Variants in OR11A1 observed in about 807,000 individuals in gnomAD.
The protein encoded by OR11A1 is olfactory receptor family 11 subfamily A member 1, also known as olfactory receptor 11A1.
For missense variants in OR11A1, 380 were observed against 378.2 expected, an observed-to-expected ratio of 1.00 and a Z score of -0.04; for synonymous variants, 158 against 152.2, an observed-to-expected ratio of 1.04 and a Z score of -0.28.
intron 1 of OR11A1, among the ~76,000 whole-genome samples, chr6:29,446,195 T>C (rs79925536): frequency 0.043 from 6,528 of 152,228 alleles, 248 homozygotes; most frequent in African/African-American, 0.095. Context: ...TTATTCTACA[T>C]AGTGCTGGCA....
At chr6:29,455,727 G>A (rs963746671) in intron 1 of OR11A1, among the ~76,000 whole-genome samples, 3 of 151,532 alleles carry the variant, frequency 2.0e-5, no homozygotes, top group Admixed American at 6.6e-5. Flanking sequence ...ACACAAAAAA[G>A]TGGCCGGGTG....
At chr6:29,443,801 C>T (rs16894915) in intron 1 of OR11A1, among the ~76,000 whole-genome samples, 4,043 of 152,166 alleles carry the variant, frequency 0.027, 117 homozygotes, top group African/African-American at 0.076. Context: ...TGTGCAATTC[C>T]TCACGATATA....
At chr6:29,427,791 G>T in intron 4 of OR11A1, 59 bp from the exon 5 acceptor site, 5 of 1,290,558 alleles carry the variant, frequency 3.9e-6, no homozygotes, top group Non-Finnish European at 5.2e-6. Context: ...ACTCGCTCAC[G>T]CAAGTCTTCA....
chr6:29,439,109 T>C (rs1783882003), intron 1 of OR11A1, among the ~76,000 whole-genome samples: 1 of 152,250 alleles, frequency 6.6e-6, no homozygotes, highest in Non-Finnish European at 1.5e-5. Context: ...CTTTTACTGT[T>C]ATCTGTAATA....
chr6:29,440,322 T>C, intron 1 of OR11A1: 4 of 1,614,114 alleles, frequency 2.5e-6, no homozygotes, highest in Non-Finnish European at 3.4e-6. Flanking sequence ...GATGTTCTTC[T>C]TCCTCTTCTT....
rs889911265 is a variant in OR11A1, at chr6:29,453,097, G to A, written c.-389+3890C>T. The stretch of plus-strand genomic sequence containing the variant: ...TTCAGGATCCATATGGTATCCCCAA[G>A]AAAAAAACTTGCACTTTAAATATAA... On this transcript the variant is annotated intron_variant, in intron 1 of 4. Coordinates refer to ENST00000377149, the MANE Select transcript of OR11A1 (RefSeq NM_001394828.1). This position sits in a 1 kb window ranked among gnomAD's most constrained non-coding sequence, Gnocchi z 4.5. Among the ~76,000 whole-genome samples, 1 of 149,042 alleles carries A rather than the reference G, an allele frequency of 6.7e-6. No homozygotes were observed. Among genetic ancestry groups the A allele is most frequent in the South Asian group, 2.1e-4 (1 of 4,742 alleles).
intron 1 of OR11A1, chr6:29,440,772 A>G: frequency 1.2e-6 from 2 of 1,613,826 alleles, no homozygotes; most frequent in African/African-American, 1.3e-5. Flanking sequence ...CTTCTATGGC[A>G]CCGCACTCTT....
chr6:29,427,393 C>T lies in OR11A1; in HGVS notation c.249G>A (p.Met83Ile). 6.2e-7 allele frequency: 1 copy of T among 1,613,084 alleles called. No individual in the cohort carries two copies. The highest frequency in any genetic ancestry group is 1.1e-5 in the South Asian group (1 of 91,080). ...ILYTSAVMPKMLEGFLQEATI... is the reference protein window; with the variant it reads ...ILYTSAVMPKILEGFLQEATI... Reference sequence around the variant, plus strand: ...TTGCTTCTTGCAGGAAGCCCTCCAGCATTTTTGGCATCACTGCGGAGGTGT... The same window carrying T: ...TTGCTTCTTGCAGGAAGCCCTCCAGTATTTTTGGCATCACTGCGGAGGTGT... The change falls in exon 5 of 5, where the codon ATG becomes ATA. Residue 83 changes from methionine to isoleucine, a missense_variant. Physicochemically the swap from Met to Ile is conservative, Grantham distance 10. Transcript: ENST00000377149.
At chr6:29,428,413 G>A in intron 4 of OR11A1, 2 of 985,520 alleles carry the variant, frequency 2.0e-6, no homozygotes, top group Non-Finnish European at 2.4e-6. Flanking sequence ...GTCGGGGAAG[G>A]CTTTCTGAAG....
chr6:29,428,673 C>T (rs960228573), intron 4 of OR11A1, among the ~76,000 whole-genome samples: 3 of 140,634 alleles, frequency 2.1e-5, no homozygotes. Flanking sequence ...AGAAGAATGG[C>T]GTGAACTCAG....
intron 1 of OR11A1, among the ~76,000 whole-genome samples, chr6:29,448,122 T>C (rs1184579618): frequency 6.7e-6 from 1 of 148,712 alleles, no homozygotes; most frequent in Non-Finnish European, 1.5e-5. Flanking sequence ...GTTCAAGCGA[T>C]TCTCCTGCCT....
chr6:29,444,412 T>C (rs1784514456), intron 1 of OR11A1, among the ~76,000 whole-genome samples: 1 of 152,184 alleles, frequency 6.6e-6, no homozygotes, highest in Non-Finnish European at 1.5e-5. Context: ...AAGACATGGG[T>C]TGTGATCTCT....
chr6:29,443,498 C>A (rs1486744396), intron 1 of OR11A1, among the ~76,000 whole-genome samples: 2 of 152,158 alleles, frequency 1.3e-5, no homozygotes, highest in East Asian at 3.9e-4. Flanking sequence ...ATTTGTTCAT[C>A]CATTCACCTG....
chr6:29,427,129 G>C lies in OR11A1; in HGVS notation c.513C>G (p.Gly171=), dbSNP rs369343165. Residue 171 remains glycine (G), a synonymous_variant, in exon 5 of 5, where the codon GGC becomes GGG. Transcript: ENST00000377149. The part of the protein sequence containing the change: ...VALVAQLRFC[G]PNHIDQFYCD... The stretch of plus-strand genomic sequence containing the variant: ...AGTAAAACTGGTCAATGTGGTTGGG[G>C]CCACAGAACCTCAGCTGGGCCACCA... The C allele has an allele frequency of 9.3e-6, 15 of 1,612,886 alleles. No homozygotes were observed. Among genetic ancestry groups the C allele is most frequent in the African/African-American group, 5.3e-5 (4 of 74,932 alleles).
At chr6:29,450,968 A>G (rs1351800356) in intron 1 of OR11A1, among the ~76,000 whole-genome samples, 1 of 152,236 alleles carries the variant, frequency 6.6e-6, no homozygotes, top group Admixed American at 6.5e-5. Context: ...AAGCTATACT[A>G]CAAGGTTACA....
At chr6:29,444,532 T>C (rs549503816) in intron 1 of OR11A1, among the ~76,000 whole-genome samples, 1 of 152,316 alleles carries the variant, frequency 6.6e-6, no homozygotes, top group Admixed American at 6.5e-5. Flanking sequence ...GAGCTCTGGA[T>C]TGAGTTCCAG....
intron 1 of OR11A1, among the ~76,000 whole-genome samples, chr6:29,437,717 A>G (rs964554481): frequency 6.6e-6 from 1 of 152,216 alleles, no homozygotes; most frequent in African/African-American, 2.4e-5. Context: ...CCAATTAAAC[A>G]TTTTTAGCAA....
At chr6:29,445,796 G>T (rs114917638) in intron 1 of OR11A1, among the ~76,000 whole-genome samples, 4,045 of 152,280 alleles carry the variant, frequency 0.027, 115 homozygotes, top group African/African-American at 0.076. Context: ...GGGAGCGTGT[G>T]CTTGTCCATT....
intron 1 of OR11A1, chr6:29,440,207 C>T (rs768908728): frequency 6.2e-7 from 1 of 1,613,790 alleles, no homozygotes; most frequent in African/African-American, 1.3e-5. Flanking sequence ...TCCTGCGCAC[C>T]CTCTCGGCCT....
Sources: allele counts gnomAD v4.1 joint callset (sites outside exome capture counted in the v4.1 genomes callset), GRCh38; gene constraint gnomAD v4.1.1; non-coding constraint Gnocchi (gnomAD v3.1); transcripts MANE v1.5; gene names NCBI Gene and HGNC (gene_info 2026-07-23, HGNC 2026-07-21).